Variants in AGBL4 observed in about 807,000 individuals in gnomAD.
The protein encoded by AGBL4 is AGBL carboxypeptidase 4, also known as cytosolic carboxypeptidase 6.
A neutral mutation model predicts 66.4 loss-of-function variants in AGBL4; 58 were observed. That is an observed-to-expected ratio of 0.87 (90% confidence interval 0.71 to 1.09). The LOEUF (loss-of-function observed/expected upper bound fraction) is 1.09, where lower values mean the gene tolerates loss of function less well. Among genes scored for constraint, AGBL4 ranks in the 50% least tolerant of loss-of-function variants. The pLI is 0.00. For synonymous variants in AGBL4, 234 were observed against 222.9 expected, an observed-to-expected ratio of 1.05 and a Z score of -0.44; for missense variants, 579 against 631.0, an observed-to-expected ratio of 0.92 and a Z score of 0.88.
intron 5 of AGBL4, among the ~76,000 whole-genome samples, chr1:48,902,838 A>G (rs943667544): frequency 1.3e-5 from 2 of 152,100 alleles, no homozygotes; most frequent in African/African-American, 2.4e-5. Flanking sequence ...CTCTCATTCT[A>G]AATTCCTTCC....
intron 1 of AGBL4, among the ~76,000 whole-genome samples, chr1:50,015,806 C>T (rs1661936247): frequency 6.6e-6 from 1 of 152,076 alleles, no homozygotes; most frequent in African/African-American, 2.4e-5. Flanking sequence ...GACACAAAGA[C>T]CCATGGAACA....
rs191982739 is a variant in AGBL4, at chr1:48,564,075, A to G, written c.1267+22929T>C. Among the ~76,000 whole-genome samples, 7 of 152,212 alleles carry G rather than the reference A, an allele frequency of 4.6e-5. No individual in the cohort carries two copies. The East Asian group carries it at 1.4e-3, about 29-fold the overall frequency. On this transcript the variant is annotated intron_variant, in intron 11 of 13. Coordinates refer to ENST00000371839, the MANE Select transcript of AGBL4 (RefSeq NM_032785.4). ...CCCTCAAGGAAGGAAACACCAATGG[A>G]TCTCCTACTGATTCCACCTCAGACA...
intron 3 of AGBL4, among the ~76,000 whole-genome samples, chr1:49,567,199 C>A (rs1014192095): frequency 6.6e-6 from 1 of 152,244 alleles, no homozygotes; most frequent in Non-Finnish European, 1.5e-5. Flanking sequence ...TGCCGTCTGT[C>A]ACCCCTTTCT....
chr1:48,785,575 A>G (rs562065806), intron 6 of AGBL4, among the ~76,000 whole-genome samples: 2 of 152,200 alleles, frequency 1.3e-5, no homozygotes, highest in African/African-American at 2.4e-5. Context: ...TTTTCCAAAT[A>G]CGAGGAGAGA....
chr1:49,606,212 T>A (rs1301715053), intron 3 of AGBL4, among the ~76,000 whole-genome samples: 1 of 152,024 alleles, frequency 6.6e-6, no homozygotes, highest in African/African-American at 2.4e-5. Flanking sequence ...GAAATCTAAC[T>A]CCAAAATCAA....
chr1:49,338,589 T>C (rs1335338854), intron 3 of AGBL4, among the ~76,000 whole-genome samples: 1 of 152,232 alleles, frequency 6.6e-6, no homozygotes, highest in East Asian at 1.9e-4. Context: ...CTGCAGAGCC[T>C]GCCCAGGCAG....
intron 1 of AGBL4, among the ~76,000 whole-genome samples, chr1:49,932,713 C>A (rs1050588006): frequency 6.6e-6 from 1 of 152,110 alleles, no homozygotes; most frequent in East Asian, 1.9e-4. Context: ...TCCCCACAAA[C>A]CCTCCTAGAC....
chr1:48,965,505 G>A (rs1234349242), intron 5 of AGBL4, among the ~76,000 whole-genome samples: 1 of 152,176 alleles, frequency 6.6e-6, no homozygotes, highest in African/African-American at 2.4e-5. Flanking sequence ...GAGGAATCAA[G>A]GGGAAAGAGG....
chr1:49,820,215 T>C (rs1016152365), intron 2 of AGBL4, among the ~76,000 whole-genome samples: 1 of 152,142 alleles, frequency 6.6e-6, no homozygotes, highest in Non-Finnish European at 1.5e-5. Flanking sequence ...TCAGTTAAGA[T>C]GTGAAAATGA....
In AGBL4 at chr1:48,736,423, A is replaced by C. The variant is rs144029105; in HGVS notation, c.635-73182T>G. 17 of 1,613,958 alleles carry C rather than the reference A, an allele frequency of 1.1e-5. No individual in the cohort carries two copies. Among genetic ancestry groups the C allele is most frequent in the Non-Finnish European group, 1.4e-5 (17 of 1,180,026 alleles). Reference sequence around the variant, plus strand: ...CTTGTAGCTGGTGCCATTTCTCCTCATCAACCCAAATCCCGCTTCCCAGAT... The same window carrying C: ...CTTGTAGCTGGTGCCATTTCTCCTCCTCAACCCAAATCCCGCTTCCCAGAT... On this transcript the variant is annotated intron_variant, in intron 6 of 13. Coordinates refer to ENST00000371839, the MANE Select transcript of AGBL4 (RefSeq NM_032785.4). This position sits in a 1 kb window ranked among gnomAD's most constrained non-coding sequence, Gnocchi z 4.0.
chr1:48,764,486 AG>A (rs1215977528), intron 6 of AGBL4, among the ~76,000 whole-genome samples: 1 of 152,116 alleles, frequency 6.6e-6, no homozygotes, highest in African/African-American at 2.4e-5. Flanking sequence ...CAAATGGGGA[AG>A]GGGGGGAAAT....
At chr1:49,647,856 A>G (rs1417948773) in intron 3 of AGBL4, among the ~76,000 whole-genome samples, 27 of 143,746 alleles carry the variant, frequency 1.9e-4, no homozygotes, top group Admixed American at 1.8e-3. Context: ...GACTGACCCA[A>G]AAAAAAAAAA....
In AGBL4 at chr1:49,154,673, T is replaced by C. The variant is rs375079782; in HGVS notation, c.377+91097A>G. On this transcript the variant is annotated intron_variant, in intron 4 of 13. Coordinates refer to ENST00000371839, the MANE Select transcript of AGBL4 (RefSeq NM_032785.4). ...TGTCTCCCATGGTGCTGACATGAAA[T>C]AACCTTCCATTCTCTTCCATGTTAA... is the stretch of plus-strand genomic sequence containing the variant. 3.3e-4 allele frequency among the ~76,000 whole-genome samples: 50 copies of C among 152,280 alleles called. 1 individual carries two copies. The South Asian group carries it at 9.5e-3, about 29-fold the overall frequency.
At chr1:48,601,284 A>T (rs34122880) in intron 9 of AGBL4, among the ~76,000 whole-genome samples, 8,899 of 152,270 alleles carry the variant, frequency 0.058, 452 homozygotes, top group African/African-American at 0.14. Context: ...TAACAATCAC[A>T]AATTCACACA....
chr1:48,717,870 G>A (rs550735107), intron 6 of AGBL4, among the ~76,000 whole-genome samples: 13 of 152,206 alleles, frequency 8.5e-5, no homozygotes, highest in Admixed American at 2.0e-4. Context: ...TCTGGGCTAC[G>A]GTATCTTCAT....
chr1:48,749,747 T>C (rs1651365090), intron 6 of AGBL4, among the ~76,000 whole-genome samples: 1 of 152,222 alleles, frequency 6.6e-6, no homozygotes, highest in African/African-American at 2.4e-5. Context: ...CAGGGAAAAC[T>C]GGACTGGTTC....
chr1:49,604,933 C>T (rs1645035745), intron 3 of AGBL4, among the ~76,000 whole-genome samples: 1 of 151,978 alleles, frequency 6.6e-6, no homozygotes, highest in Non-Finnish European at 1.5e-5. Flanking sequence ...TTTTTTTCTA[C>T]CTTTGTAATT....
chr1:49,776,651 C>T (rs1404450070), intron 2 of AGBL4, among the ~76,000 whole-genome samples: 1 of 152,104 alleles, frequency 6.6e-6, no homozygotes, highest in Non-Finnish European at 1.5e-5. Context: ...TACCACTTTG[C>T]TTTCAAACTT....
chr1:49,294,193 G>T (rs1015308631), intron 3 of AGBL4, among the ~76,000 whole-genome samples: 1 of 152,136 alleles, frequency 6.6e-6, no homozygotes, highest in Admixed American at 6.5e-5. Flanking sequence ...ATATAAAATT[G>T]ATATTAATGG....
Sources: gnomAD v4.1 joint callset for allele counts (sites outside exome capture counted in the v4.1 genomes callset) on GRCh38, gnomAD v4.1.1 for gene constraint, Gnocchi (gnomAD v3.1) non-coding constraint, MANE v1.5 for transcripts, NCBI Gene and HGNC (gene_info 2026-07-23, HGNC 2026-07-21) for gene names.